The following GNAQ variants were observed in gnomAD, a reference collection of about 807,000 sequenced individuals.
GNAQ encodes guanine nucleotide-binding protein G(q) subunit alpha.
Under a neutral mutation model 43.9 loss-of-function variants are expected in GNAQ, and 8 were observed. The observed-to-expected ratio is 0.18, with a 90% CI of 0.11 to 0.33. The LOEUF is 0.33. Ranked by LOEUF, GNAQ falls within the 10% of genes least tolerant of loss-of-function variation. The pLI is 1.00. For synonymous variants in GNAQ, 155 were observed against 170.7 expected (o/e 0.91, Z 0.71); for missense variants, 158 against 450.8 (o/e 0.35, Z 5.88).
At chr9:77,781,636 A>G (rs568621372) in intron 5 of GNAQ, among the ~76,000 whole-genome samples, 1 of 152,186 alleles carries the variant, frequency 6.6e-6, no homozygotes, top group East Asian at 1.9e-4. Context: ...ATCACATCTA[A>G]CAATGTATAA....
intron 5 of GNAQ, among the ~76,000 whole-genome samples, chr9:77,760,139 ATTTAG>A (rs1825970641): frequency 6.7e-6 from 1 of 149,590 alleles, no homozygotes. Flanking sequence ...AATTCGGGGT[ATTTAG>A]TTAATTCATA....
chr9:77,995,435 C>T (rs1224309644), intron 1 of GNAQ, among the ~76,000 whole-genome samples: 1 of 152,126 alleles, frequency 6.6e-6, no homozygotes, highest in Non-Finnish European at 1.5e-5. Flanking sequence ...AAAAAGTCTT[C>T]AGCAATTCAG....
chr9:77,981,225 T>A (rs1444411985), intron 1 of GNAQ, among the ~76,000 whole-genome samples: 1 of 152,166 alleles, frequency 6.6e-6, no homozygotes, highest in African/African-American at 2.4e-5. Context: ...TTCTACTCAC[T>A]GCCAATATTC....
intron 2 of GNAQ, among the ~76,000 whole-genome samples, chr9:77,891,654 C>T (rs1242300277): frequency 6.6e-6 from 1 of 152,224 alleles, no homozygotes; most frequent in African/African-American, 2.4e-5. Context: ...CAAGTATACG[C>T]TGTCTTTCCA....
intron 2 of GNAQ, among the ~76,000 whole-genome samples, chr9:77,844,765 C>T (rs999316425): frequency 3.9e-5 from 6 of 151,994 alleles, no homozygotes; most frequent in African/African-American, 4.8e-5. Context: ...CTCTACCTCC[C>T]GGGTTCAAGT....
chr9:77,978,523 C>T (rs1823330787), intron 1 of GNAQ, among the ~76,000 whole-genome samples: 1 of 152,202 alleles, frequency 6.6e-6, no homozygotes, highest in East Asian at 1.9e-4. Flanking sequence ...TGATTGTTTT[C>T]TCTCTGTAGT....
intron 2 of GNAQ, among the ~76,000 whole-genome samples, chr9:77,913,303 T>C (rs1395019820): frequency 6.7e-6 from 1 of 149,744 alleles, no homozygotes; most frequent in Non-Finnish European, 1.5e-5. Flanking sequence ...ATTATATATA[T>C]ATAATTATAA....
Position 77,720,826 on chromosome 9 carries a change from A to T in GNAQ, c.*497T>A, listed in dbSNP as rs140218242. 6 of 233,874 alleles carry T rather than the reference A, an allele frequency of 2.6e-5. No individual in the cohort carries two copies. The East Asian group carries it at 3.6e-4, about 14-fold the overall frequency. 14.5% of individuals were successfully genotyped at this position (233,874 alleles called of 1,614,324 possible). A position where few individuals can be genotyped will look rare whatever the true frequency, so the allele number is the denominator to read the frequency against. ...ACTACAAACTTAAATTAAGCTGATG[A>T]TGGCTTAAATCGAACGATGTGTCCT... On this transcript the variant is annotated 3_prime_UTR_variant, in exon 7 of 7. Transcript: ENST00000286548.
intron 2 of GNAQ, among the ~76,000 whole-genome samples, chr9:77,835,706 A>G (rs1425019631): frequency 3.9e-5 from 6 of 152,204 alleles, no homozygotes. Flanking sequence ...TATAGCTCAG[A>G]AAACTGAAGT....
chr9:77,947,060 C>G (rs929909731), intron 1 of GNAQ, among the ~76,000 whole-genome samples: 1 of 152,264 alleles, frequency 6.6e-6, no homozygotes, highest in Non-Finnish European at 1.5e-5. Context: ...GACCTTCAGG[C>G]TTTTTACTTC....
chr9:77,861,417 C>T (rs150454553), intron 2 of GNAQ, among the ~76,000 whole-genome samples: 2,053 of 152,212 alleles, frequency 0.013, 20 homozygotes, highest in Non-Finnish European at 0.018. Context: ...CCCAACAGTC[C>T]CCCAAAGTCT....
At chr9:77,761,274 G>T (rs1388275565) in intron 5 of GNAQ, among the ~76,000 whole-genome samples, 20 of 125,988 alleles carry the variant, frequency 1.6e-4, no homozygotes, top group South Asian at 5.3e-4. Context: ...GGAGGGAGGT[G>T]GGGGGGTCAG....
At chr9:77,978,963 C>T (rs547952483) in intron 1 of GNAQ, among the ~76,000 whole-genome samples, 2 of 152,150 alleles carry the variant, frequency 1.3e-5, no homozygotes, top group East Asian at 1.9e-4. Flanking sequence ...GACTGAGTCA[C>T]GAGAATCGCT....
At chr9:77,921,537 T>C (rs1828997136) in intron 2 of GNAQ, among the ~76,000 whole-genome samples, 1 of 152,250 alleles carries the variant, frequency 6.6e-6, no homozygotes, top group Admixed American at 6.5e-5. Flanking sequence ...GAAGTGTGCT[T>C]ATTTTGTAAA....
chr9:77,962,892 C>CAAA (rs538653191), intron 1 of GNAQ, among the ~76,000 whole-genome samples: 51 of 55,076 alleles, frequency 9.3e-4, no homozygotes, highest in African/African-American at 1.3e-3. Context: ...AACTTAGTCT[C>CAAA]AAAAAAAAAA....
intron 1 of GNAQ, among the ~76,000 whole-genome samples, chr9:78,023,785 GA>G (rs984831984): frequency 6.6e-6 from 1 of 151,750 alleles, no homozygotes; most frequent in South Asian, 2.1e-4. Flanking sequence ...TTTCCAAAGG[GA>G]AAAAAAATGA....
Position 77,716,456 on chromosome 9 carries a change from A to G in GNAQ, c.*4867T>C, listed in dbSNP as rs1357166897. ...TGCAAGTTAAAAATGTTTTCTGACA[A>G]AACTCCCTAAATACATAGGTCTAGT... On this transcript the variant is annotated 3_prime_UTR_variant, in exon 7 of 7. Transcript: ENST00000286548. 4.3e-6 allele frequency: 1 copy of G among 232,800 alleles called. No homozygotes were observed. Among genetic ancestry groups the G allele is most frequent in the Non-Finnish European group, 8.5e-6 (1 of 117,812 alleles). The allele number at this position is 232,800 out of a possible 1,614,324, so 14.4% of individuals were successfully genotyped here.
chr9:77,904,317 C>CTTTTTTTTTTTTTTTTTTTTT (rs554783626), intron 2 of GNAQ, among the ~76,000 whole-genome samples: 3 of 77,406 alleles, frequency 3.9e-5, no homozygotes, highest in African/African-American at 5.7e-5. Flanking sequence ...TTCACACCGG[C>CTTTTTTTTTTTTTTTTTTTTT]TTTTTTTTTT....
intron 2 of GNAQ, among the ~76,000 whole-genome samples, chr9:77,917,386 G>C (rs1364246430): frequency 3.3e-5 from 5 of 151,972 alleles, no homozygotes; most frequent in Admixed American, 2.0e-4. Context: ...GGGGGAAGAA[G>C]GTAAGAAAAA....
Sources: allele counts gnomAD v4.1 joint callset (sites outside exome capture counted in the v4.1 genomes callset), GRCh38; gene constraint gnomAD v4.1.1; transcripts MANE v1.5; gene names NCBI Gene and HGNC (gene_info 2026-07-23, HGNC 2026-07-21).